GTF2IRD2: variants seen among roughly 807,000 people sequenced by gnomAD.
The protein encoded by GTF2IRD2 is GTF2I repeat domain containing 2.
Under a neutral mutation model 49.2 loss-of-function variants are expected in GTF2IRD2, and 8 were observed. That is an observed-to-expected ratio of 0.16 (90% CI 0.10 to 0.29). GTF2IRD2 has a LOEUF of 0.29. GTF2IRD2 is among the 10% of genes least tolerant of loss of function. GTF2IRD2 has a pLI of 1.00. For missense variants in GTF2IRD2, 130 were observed against 725.7 expected (o/e 0.18, Z 9.43); for synonymous variants, 47 against 289.7 (o/e 0.16, Z 8.51).
In GTF2IRD2 at chr7:74,842,612, T is replaced by C. The variant is rs1327573723; in HGVS notation, c.-5-6229A>G. ...CTGACGTGCAGTGCCATGATCATAG[T>C]TGGAGTACAGTGGTGCAATCACTGT... On this transcript the variant is annotated intron_variant, in intron 1 of 15. Transcript: ENST00000451013. Among the ~76,000 whole-genome samples, 2 of 145,344 alleles carry C rather than the reference T, an allele frequency of 1.4e-5. 1 individual carries two copies. Among genetic ancestry groups the C allele is most frequent in the African/African-American group, 5.3e-5 (2 of 37,466 alleles).
chr7:74,825,645 C>T (rs2131733718), intron 3 of GTF2IRD2, among the ~76,000 whole-genome samples: 1 of 149,486 alleles, frequency 6.7e-6, no homozygotes, highest in East Asian at 2.0e-4. Context: ...TCAAGACCAG[C>T]CCCAGAATCA....
At position 74,796,790 on chromosome 7, in the gene GTF2IRD2, T is replaced by C. The variant is rs1554416190; in HGVS notation, c.2722A>G (p.Ile908Val). 1.8e-6 allele frequency: 1 copy of C among 550,584 alleles called. No homozygotes were observed. Among genetic ancestry groups the C allele is most frequent in the African/African-American group, 3.1e-5 (1 of 31,862 alleles). 34.1% of individuals were successfully genotyped at this position (550,584 alleles called of 1,614,324 possible). Reference sequence around the variant, plus strand: ...TAGGTGCTCCCGAACATGGAAAGAATCTTTGCGCAATGGTGCTTGTATTTC... The same window carrying C: ...TAGGTGCTCCCGAACATGGAAAGAACCTTTGCGCAATGGTGCTTGTATTTC... ...YPKYKHHCAK[I>V]LSMFGSTYIC... The change falls in exon 16 of 16, where the codon ATT becomes GTT. Residue 908 changes from isoleucine to valine, a missense_variant. Ile to Val is a conservative substitution (Grantham distance 29). Coordinates refer to ENST00000451013, the MANE Select transcript of GTF2IRD2 (RefSeq NM_173537.5).
At chr7:74,840,062 T>A in intron 1 of GTF2IRD2, among the ~76,000 whole-genome samples, 2 of 113,468 alleles carry the variant, frequency 1.8e-5, no homozygotes, top group Non-Finnish European at 1.8e-5. Context: ...ATGAAGGTCC[T>A]ATGTCTTTTT....
chr7:74,830,187 C>T (rs1169275456), intron 3 of GTF2IRD2, among the ~76,000 whole-genome samples: 14 of 62,616 alleles, frequency 2.2e-4, no homozygotes, highest in East Asian at 1.4e-3. Context: ...GGTAATATAG[C>T]AAAACCCTGT....
chr7:74,796,829 AGAGGTACTTGTAG>A lies in GTF2IRD2; in HGVS notation c.2670_2682del (p.Tyr891GlyfsTer31). 1 of 570,680 alleles carries A rather than the reference AGAGGTACTTGTAG, an allele frequency of 1.8e-6. No individual in the cohort carries two copies. The highest frequency in any genetic ancestry group is 2.8e-5 in the Admixed American group (1 of 35,670). 35.4% of individuals were successfully genotyped at this position (570,680 alleles called of 1,614,324 possible). ...TGCTTGTATTTCGGGTAGCTACCCC[AGAGGTACTTGTAG>A]AATTCTGGTATTCCCACCTTGTCGT... On this transcript the variant is annotated frameshift_variant, in exon 16 of 16. Transcript: ENST00000451013. LOFTEE classifies it high-confidence loss of function.
rs371140968 is a variant in GTF2IRD2 at position 74,822,012 on chromosome 7, A to G, written c.571+415T>C. ...AATGGCTTGCTGCACCTATTGGCCC[A>G]TCCTCTAAGTTCCCTCCCCTCACCC... On this transcript the variant is annotated intron_variant, in intron 6 of 15. Coordinates refer to ENST00000451013, the MANE Select transcript of GTF2IRD2 (RefSeq NM_173537.5). The G allele has an allele frequency of 5.5e-4, 179 of 328,416 alleles. 4 individuals are homozygous for G. In the Middle Eastern group the frequency reaches 6.6e-3, roughly 12 times the overall value. The allele number at this position is 328,416 out of a possible 1,614,324, so 20.3% of individuals were successfully genotyped here.
intron 1 of GTF2IRD2, among the ~76,000 whole-genome samples, chr7:74,839,931 C>T (rs587661130): frequency 4.1e-5 from 6 of 144,622 alleles, no homozygotes; most frequent in South Asian, 2.3e-4. Flanking sequence ...ACCCAGAAGG[C>T]GGAGGTTGCA....
At chr7:74,824,221 C>T (rs587661536) in intron 4 of GTF2IRD2, among the ~76,000 whole-genome samples, 10 of 121,728 alleles carry the variant, frequency 8.2e-5, no homozygotes, top group Non-Finnish European at 1.7e-4. Flanking sequence ...GTAATCTCAG[C>T]ATTTTGGGAG....
chr7:74,826,731 T>TTTC (rs1293701454), intron 3 of GTF2IRD2, among the ~76,000 whole-genome samples: 2 of 95,350 alleles, frequency 2.1e-5, no homozygotes, highest in African/African-American at 1.0e-4. Context: ...TTTTTTTTTT[T>TTTC]GAGAGAGTCT....
rs782250011 is a variant in GTF2IRD2 at position 74,797,717 on chromosome 7, C to T, written c.1795G>A (p.Val599Ile). 6.3e-7 allele frequency: 1 copy of T among 1,587,832 alleles called. No individual in the cohort carries two copies. Residue 599 changes from valine to isoleucine, a missense_variant, in exon 16 of 16, where the codon GTT becomes ATT. Physicochemically the swap from Val to Ile is conservative, Grantham distance 29. Transcript: ENST00000451013. ...CAGAAGTTTTTCAGGCTTTTCTCAA[C>T]ACGCGAAAAGATCTCGTTGCCAGAT... ...TKSGNEIFSR[V>I]EKSLKNFCID...
rs1333186274 is a variant in GTF2IRD2, at chr7:74,796,452, C to T, written c.*210G>A. ...TGGCGCACGCCTGTAGTCCCAGCTG[C>T]TCGGGAGGCTGAGGCAGGAGAATCG... On this transcript the variant is annotated 3_prime_UTR_variant, in exon 16 of 16. Coordinates refer to ENST00000451013, the MANE Select transcript of GTF2IRD2 (RefSeq NM_173537.5). The T allele has an allele frequency of 2.3e-4, 121 of 535,610 alleles. 2 individuals carry two copies. Among genetic ancestry groups the T allele is most frequent in the Non-Finnish European group, 3.8e-4 (113 of 297,520 alleles). The allele number at this position is 535,610 out of a possible 1,614,324, so 33.2% of individuals were successfully genotyped here. A position where few individuals can be genotyped will look rare whatever the true frequency, so the allele number is the denominator to read the frequency against.
chr7:74,839,957 G>A (rs1206124122), intron 1 of GTF2IRD2, among the ~76,000 whole-genome samples: 4 of 147,120 alleles, frequency 2.7e-5, no homozygotes, highest in Non-Finnish European at 6.0e-5. Flanking sequence ...CCAAGATTGT[G>A]CCACTGCCCT....
chr7:74,826,503 GCC>G (rs1351918007), intron 3 of GTF2IRD2, among the ~76,000 whole-genome samples: 1 of 121,564 alleles, frequency 8.2e-6, no homozygotes, highest in Non-Finnish European at 1.7e-5. Flanking sequence ...CAAGTGATCT[GCC>G]CACCTCGGCC....
At chr7:74,825,784 T>C (rs1554419471) in intron 3 of GTF2IRD2, among the ~76,000 whole-genome samples, 1 of 150,418 alleles carries the variant, frequency 6.6e-6, no homozygotes, top group Non-Finnish European at 1.5e-5. Flanking sequence ...GGCACAAGTA[T>C]AGTTTTCTTT....
chr7:74,818,937 T>A (rs2131703139), intron 8 of GTF2IRD2: 1 of 151,504 alleles, frequency 6.6e-6, no homozygotes, highest in East Asian at 1.9e-4. Context: ...GTTTTTGTTT[T>A]TTTTTGACAC....
intron 6 of GTF2IRD2, 78 bp downstream of exon 6, chr7:74,822,349 C>A: frequency 3.0e-6 from 2 of 666,258 alleles, no homozygotes; most frequent in South Asian, 1.7e-5. Flanking sequence ...CACGCCCGGC[C>A]CCCAATTCAA....
intron 2 of GTF2IRD2, 113 bp downstream of exon 2, chr7:74,836,167 T>A: frequency 7.5e-7 from 1 of 1,342,000 alleles, no homozygotes; most frequent in Non-Finnish European, 1.0e-6. Context: ...TGAGACTCTG[T>A]CTTAAAAAAA....
rs1164626608 is a variant in GTF2IRD2, at chr7:74,796,382, T to C, written c.*280A>G. ...GAGTTGGAGACCAGCCTGGCCAACA[T>C]GGTGAAACCTCATCTCTACTAATAC... On this transcript the variant is annotated 3_prime_UTR_variant, in exon 16 of 16. Coordinates refer to ENST00000451013, the MANE Select transcript of GTF2IRD2 (RefSeq NM_173537.5). 6 of 397,036 alleles carry C rather than the reference T, an allele frequency of 1.5e-5. No homozygotes were observed. Among genetic ancestry groups the C allele is most frequent in the South Asian group, 6.4e-5 (3 of 47,040 alleles). 24.6% of individuals were successfully genotyped at this position (397,036 alleles called of 1,614,324 possible). A position where few individuals can be genotyped will look rare whatever the true frequency, so the allele number is the denominator to read the frequency against.
At chr7:74,815,500 T>C (rs1203160561) in intron 8 of GTF2IRD2, among the ~76,000 whole-genome samples, 3 of 93,646 alleles carry the variant, frequency 3.2e-5, no homozygotes, top group Admixed American at 1.4e-4. Context: ...TCTGTAATCC[T>C]AGCACTTTGG....
Sources: allele counts gnomAD v4.1 joint callset (sites outside exome capture counted in the v4.1 genomes callset), GRCh38; gene constraint gnomAD v4.1.1; transcripts MANE v1.5; gene names NCBI Gene and HGNC (gene_info 2026-07-23, HGNC 2026-07-21).